STX8: variants seen among roughly 807,000 people sequenced by gnomAD.
STX8 encodes the protein syntaxin-8.
STX8 carries 23 observed loss-of-function variants against 37.5 expected under a neutral mutation model. The ratio of observed to expected loss-of-function variants is 0.61; its 90% CI spans 0.44 to 0.87. STX8 has a LOEUF of 0.87. Among genes scored for constraint, STX8 ranks in the 40% least tolerant of loss-of-function variants. STX8 has a pLI of 0.00. For synonymous variants in STX8, 115 were observed against 99.1 expected, an observed-to-expected ratio of 1.16 and a Z score of -0.95; for missense variants, 313 against 284.7, an observed-to-expected ratio of 1.10 and a Z score of -0.71.
At chr17:9,274,398 CTCCCAGCACTTTGGGAGGCTGTAA>C (rs1226261077) in intron 7 of STX8, among the ~76,000 whole-genome samples, 7 of 152,172 alleles carry the variant, frequency 4.6e-5, no homozygotes, top group African/African-American at 7.2e-5. Context: ...GGCGCGGTGG[CTCCCAGCACTTTGGGAGGCTGTAA>C]TCCCAGCACT....
intron 6 of STX8, among the ~76,000 whole-genome samples, chr17:9,471,564 G>C (rs1217191304): frequency 2.6e-5 from 4 of 152,150 alleles, no homozygotes; most frequent in Non-Finnish European, 5.9e-5. Context: ...GTGGCAATCT[G>C]TGCCTAAGCT....
chr17:9,569,020 C>G, intron 1 of STX8, among the ~76,000 whole-genome samples: 1 of 152,200 alleles, frequency 6.6e-6, no homozygotes, highest in East Asian at 1.9e-4. Flanking sequence ...CCATCTCCAA[C>G]TCACACATGA....
intron 6 of STX8, among the ~76,000 whole-genome samples, chr17:9,454,003 G>A (rs138465256): frequency 3.7e-4 from 57 of 152,170 alleles, no homozygotes; most frequent in African/African-American, 1.3e-3. Context: ...CTGGTGCAAA[G>A]GAAGCGTTTA....
chr17:9,366,964 C>T (rs1911248291), intron 7 of STX8, among the ~76,000 whole-genome samples: 1 of 152,062 alleles, frequency 6.6e-6, no homozygotes, highest in Admixed American at 6.6e-5. Flanking sequence ...AGAAGTTATT[C>T]CAGGAGAATG....
rs185502119 is a variant in STX8, at chr17:9,346,723, T to C, written c.643+31829A>G. On this transcript the variant is annotated intron_variant, in intron 7 of 7. Coordinates refer to ENST00000306357, the MANE Select transcript of STX8 (RefSeq NM_004853.3). Reference sequence around the variant, plus strand: ...TCCCTAGAGCTTCTAACTTGCTGACTGGCCACAGTGACACCATAGGGGTGG... The same window carrying C: ...TCCCTAGAGCTTCTAACTTGCTGACCGGCCACAGTGACACCATAGGGGTGG... Among the ~76,000 whole-genome samples the C allele has an allele frequency of 3.0e-3, 461 of 152,346 alleles. 2 individuals are homozygous for C. The highest frequency in any genetic ancestry group is 0.01 in the African/African-American group (434 of 41,578).
intron 5 of STX8, among the ~76,000 whole-genome samples, chr17:9,499,689 C>T (rs1014140200): frequency 1.8e-4 from 28 of 152,310 alleles, no homozygotes; most frequent in African/African-American, 5.8e-4. Flanking sequence ...TGAGCCACCA[C>T]GCCCAGCCGG....
chr17:9,263,099 G>A (rs1907105137), intron 7 of STX8, among the ~76,000 whole-genome samples: 1 of 152,232 alleles, frequency 6.6e-6, no homozygotes, highest in South Asian at 2.1e-4. Flanking sequence ...TCCTTACTCT[G>A]AAGGGGCTAA....
chr17:9,543,389 G>A (rs1025101080), intron 4 of STX8, among the ~76,000 whole-genome samples: 1 of 151,870 alleles, frequency 6.6e-6, no homozygotes, highest in East Asian at 1.9e-4. Context: ...CACCTCCCAG[G>A]TTCAAGCAAT....
At chr17:9,518,035 G>A (rs1354246777) in intron 4 of STX8, among the ~76,000 whole-genome samples, 1 of 152,072 alleles carries the variant, frequency 6.6e-6, no homozygotes, top group Non-Finnish European at 1.5e-5. Context: ...CCCTCCATTT[G>A]TTCTAATAAC....
chr17:9,462,192 A>G (rs1470628080), intron 6 of STX8, among the ~76,000 whole-genome samples: 2 of 152,118 alleles, frequency 1.3e-5, no homozygotes, highest in Non-Finnish European at 2.9e-5. Flanking sequence ...GTTCTATCGG[A>G]GGAGAAGCAC....
intron 4 of STX8, among the ~76,000 whole-genome samples, chr17:9,511,537 G>A (rs1028030564): frequency 2.6e-5 from 4 of 152,034 alleles, no homozygotes; most frequent in Non-Finnish European, 5.9e-5. Context: ...AAAAAAATTT[G>A]ATAAAATTCA....
chr17:9,397,081 T>C (rs1429689002), intron 6 of STX8, among the ~76,000 whole-genome samples: 2 of 152,210 alleles, frequency 1.3e-5, no homozygotes, highest in East Asian at 1.9e-4. Flanking sequence ...GACACCGCTA[T>C]ACATGTACAT....
chr17:9,490,293 T>C (rs1026019641), intron 6 of STX8, among the ~76,000 whole-genome samples: 11 of 152,236 alleles, frequency 7.2e-5, no homozygotes, highest in African/African-American at 1.9e-4. Flanking sequence ...GTGTCTGCTG[T>C]AGGATTCTGA....
chr17:9,330,669 G>GTT (rs1909934241), intron 7 of STX8, among the ~76,000 whole-genome samples: 1 of 152,206 alleles, frequency 6.6e-6, no homozygotes, highest in African/African-American at 2.4e-5. Flanking sequence ...GAACAACAAG[G>GTT]GATGGCCCCT....
intron 7 of STX8, among the ~76,000 whole-genome samples, chr17:9,342,664 G>C (rs1910401903): frequency 6.6e-6 from 1 of 152,136 alleles, no homozygotes; most frequent in African/African-American, 2.4e-5. Flanking sequence ...TGCAAATGAT[G>C]AATTTGGTTT....
At chr17:9,419,384 T>G (rs1913342104) in intron 6 of STX8, among the ~76,000 whole-genome samples, 1 of 152,154 alleles carries the variant, frequency 6.6e-6, no homozygotes, top group African/African-American at 2.4e-5. Context: ...ATTGCTTTGA[T>G]TTAGAATTAA....
chr17:9,347,807 C>T (rs540853201), intron 7 of STX8, among the ~76,000 whole-genome samples: 2 of 152,328 alleles, frequency 1.3e-5, no homozygotes, highest in Admixed American at 1.3e-4. Flanking sequence ...TCCCAACTCC[C>T]CAGTCCCTGG....
chr17:9,411,855 T>C (rs892541794), intron 6 of STX8, among the ~76,000 whole-genome samples: 2 of 152,228 alleles, frequency 1.3e-5, no homozygotes, highest in Admixed American at 1.3e-4. Flanking sequence ...TATAGAACAG[T>C]AGTATATATA....
intron 2 of STX8, among the ~76,000 whole-genome samples, chr17:9,561,159 T>C (rs1567610651): frequency 1.3e-5 from 2 of 152,078 alleles, no homozygotes; most frequent in East Asian, 3.9e-4. Context: ...AACCTCTGCA[T>C]GTAAAAGGCC....
Sources: gnomAD v4.1 joint callset for allele counts (sites outside exome capture counted in the v4.1 genomes callset) on GRCh38, gnomAD v4.1.1 for gene constraint, MANE v1.5 for transcripts, NCBI Gene and HGNC (gene_info 2026-07-23, HGNC 2026-07-21) for gene names.